The following PDE8B variants were observed in gnomAD, a reference collection of about 807,000 sequenced individuals.
PDE8B encodes high affinity cAMP-specific and IBMX-insensitive 3',5'-cyclic phosphodiesterase 8B.
PDE8B carries 26 observed loss-of-function variants against 101.3 expected under a neutral mutation model. The observed-to-expected ratio is 0.26, with a 90% CI of 0.19 to 0.36. The LOEUF is 0.36. Among genes scored for constraint, PDE8B ranks in the 10% least tolerant of loss-of-function variants. The probability of loss-of-function intolerance (pLI) is 1.00; values close to 1 mark genes in which losing one functional copy is unlikely to be tolerated. For synonymous variants in PDE8B, 424 were observed against 429.3 expected, an observed-to-expected ratio of 0.99 and a Z score of 0.15; for missense variants, 810 against 1,163.1, an observed-to-expected ratio of 0.70 and a Z score of 4.42.
At chr5:77,225,480 A>G (rs777842825) in intron 1 of PDE8B, among the ~76,000 whole-genome samples, 2 of 151,866 alleles carry the variant, frequency 1.3e-5, no homozygotes, top group African/African-American at 2.4e-5. Flanking sequence ...GCCTTTTTGG[A>G]CTGACTAGAT....
At chr5:77,140,713 A>AC in the PDE8B span, 1 of 152,208 alleles carries the variant, frequency 6.6e-6, no homozygotes, top group African/African-American at 2.4e-5. Context: ...GGATAAGAGA[A>AC]CCACAACTGC....
the PDE8B span, among the ~76,000 whole-genome samples, chr5:77,110,003 T>C: frequency 7.2e-6 from 1 of 138,010 alleles, no homozygotes; most frequent in Non-Finnish European, 1.5e-5. Context: ...AGTGGAGTGA[T>C]CTTGACTCAT....
At chr5:77,136,675 C>A in the PDE8B span, among the ~76,000 whole-genome samples, 1 of 152,152 alleles carries the variant, frequency 6.6e-6, no homozygotes, top group African/African-American at 2.4e-5. Flanking sequence ...TGTTAGAATT[C>A]TCTCTGGAGA....
intron 1 of PDE8B, among the ~76,000 whole-genome samples, chr5:77,222,219 T>G (rs1258826175): frequency 6.6e-6 from 1 of 152,322 alleles, no homozygotes; most frequent in East Asian, 1.9e-4. Flanking sequence ...CTAAAAGGAT[T>G]GGTACAACCT....
chr5:77,146,925 T>A, the PDE8B span: 1 of 450,534 alleles, frequency 2.2e-6, no homozygotes, highest in Non-Finnish European at 4.4e-6. Context: ...GAGAACATCC[T>A]GGCCTATCCA....
intron 1 of PDE8B, among the ~76,000 whole-genome samples, chr5:77,301,837 G>T (rs1770012741): frequency 6.6e-6 from 1 of 152,190 alleles, no homozygotes; most frequent in Non-Finnish European, 1.5e-5. Flanking sequence ...TGCACTGCAT[G>T]TACGACAGAA....
rs904726653 is a variant in PDE8B, at chr5:77,238,610, A to G, written c.339+27346A>G. 2.0e-5 allele frequency among the ~76,000 whole-genome samples: 3 copies of G among 152,340 alleles called. No homozygotes were observed. The South Asian group carries it at 6.2e-4, about 32-fold the overall frequency. Reference sequence around the variant, plus strand: ...TAGAAACAGAACCAATAGGATACACATAGATATACAGAAAGTGGTTTATTA... The same window carrying G: ...TAGAAACAGAACCAATAGGATACACGTAGATATACAGAAAGTGGTTTATTA... On this transcript the variant is annotated intron_variant, in intron 1 of 21. Coordinates refer to ENST00000264917, the MANE Select transcript of PDE8B (RefSeq NM_003719.5).
intron 2 of PDE8B, among the ~76,000 whole-genome samples, chr5:77,313,233 C>G (rs1274787545): frequency 6.8e-6 from 1 of 146,962 alleles, no homozygotes; most frequent in South Asian, 2.1e-4. Flanking sequence ...GATTTATGAG[C>G]AAATGGAAAA....
Position 77,425,850 on chromosome 5 carries a change from C to G in PDE8B, c.2502C>G (p.Ile834Met). 6.2e-7 allele frequency: 1 copy of G among 1,613,330 alleles called. No individual in the cohort carries two copies. Residue 834 changes from isoleucine to methionine, a missense_variant, in exon 21 of 22, where the codon ATC (isoleucine) becomes ATG (methionine). Coordinates refer to ENST00000264917, the MANE Select transcript of PDE8B (RefSeq NM_003719.5). The stretch of plus-strand genomic sequence containing the variant: ...CCTGTAGCATCCCCAAGTCTCAGAT[C>G]TCTTTCATTGACTACTTCATAACAG... The part of the protein sequence containing the change: ...RNTCSIPKSQ[I>M]SFIDYFITDM...
rs183290723 is a variant in PDE8B at position 77,372,013 on chromosome 5, A to C, written c.1167+18607A>C. On this transcript the variant is annotated intron_variant, in intron 10 of 21. Coordinates refer to ENST00000264917, the MANE Select transcript of PDE8B (RefSeq NM_003719.5). ...GCCAGGAGTTTGAGACCAGCCTAGC[A>C]ACATGGCAAAACCCCGTCTCTACTA... Among the ~76,000 whole-genome samples, 318 of 152,248 alleles carry C rather than the reference A, an allele frequency of 2.1e-3. 3 individuals are homozygous for C. Among genetic ancestry groups the C allele is most frequent in the African/African-American group, 7.2e-3 (301 of 41,540 alleles).
rs1384697775 is a variant in PDE8B at position 77,279,361 on chromosome 5, G to A, written c.340-32633G>A. 7.8e-4 allele frequency among the ~76,000 whole-genome samples: 119 copies of A among 152,256 alleles called. 1 individual carries two copies. The highest frequency in any genetic ancestry group is 1.3e-4 in the Non-Finnish European group (9 of 68,030). On this transcript the variant is annotated intron_variant, in intron 1 of 21. Coordinates refer to ENST00000264917, the MANE Select transcript of PDE8B (RefSeq NM_003719.5). Reference sequence around the variant, plus strand: ...GCCTTCTTGATGTTCTAGATGGTATGTCCTTTTAGTCCCACTAGAGTCTAT... The same window carrying A: ...GCCTTCTTGATGTTCTAGATGGTATATCCTTTTAGTCCCACTAGAGTCTAT...
At chr5:77,396,175 T>C (rs1791018322) in intron 10 of PDE8B, among the ~76,000 whole-genome samples, 1 of 152,266 alleles carries the variant, frequency 6.6e-6, no homozygotes, top group Admixed American at 6.5e-5. Flanking sequence ...AAGGGAACAA[T>C]TCCTTCACAC....
At chr5:77,141,764 T>G in the PDE8B span, 1 of 152,190 alleles carries the variant, frequency 6.6e-6, no homozygotes, top group Admixed American at 6.5e-5. Context: ...CTTAGCTTAT[T>G]GCAATATTGC....
intron 1 of PDE8B, among the ~76,000 whole-genome samples, chr5:77,246,229 T>A (rs182935083): frequency 1.3e-3 from 200 of 152,316 alleles, no homozygotes; most frequent in Non-Finnish European, 2.2e-3. Flanking sequence ...GATGGATTTA[T>A]TGCATTCATG....
At chr5:77,136,959 G>C in the PDE8B span, among the ~76,000 whole-genome samples, 1 of 152,012 alleles carries the variant, frequency 6.6e-6, no homozygotes, top group African/African-American at 2.4e-5. Flanking sequence ...TTTATCAGTT[G>C]CCTCACCCCA....
At chr5:77,245,862 A>C (rs79347752) in intron 1 of PDE8B, among the ~76,000 whole-genome samples, 3,938 of 9,562 alleles carry the variant, frequency 0.41, 400 homozygotes, top group African/African-American at 0.55. Context: ...CCCCCCCCCC[A>C]ACTTTTTGAG....
At chr5:77,189,761 C>T in the PDE8B span, among the ~76,000 whole-genome samples, 1 of 152,040 alleles carries the variant, frequency 6.6e-6, no homozygotes, top group African/African-American at 2.4e-5. Context: ...CTATAAAGAC[C>T]AGGTCAGATG....
the PDE8B span, chr5:77,087,562 T>C: frequency 6.6e-6 from 1 of 152,290 alleles, no homozygotes; most frequent in East Asian, 1.9e-4. Flanking sequence ...AGGCGGCGCT[T>C]ATTGGTGTTC....
chr5:77,305,941 G>A (rs143588818), intron 1 of PDE8B, among the ~76,000 whole-genome samples: 210 of 152,314 alleles, frequency 1.4e-3, no homozygotes, highest in African/African-American at 4.3e-3. Flanking sequence ...ACTCAGTACT[G>A]TAGATGGTGG....
Sources: allele counts gnomAD v4.1 joint callset (sites outside exome capture counted in the v4.1 genomes callset), GRCh38; gene constraint gnomAD v4.1.1; transcripts MANE v1.5; gene names NCBI Gene and HGNC (gene_info 2026-07-23, HGNC 2026-07-21).